ARHGAP35: variants seen among roughly 807,000 people sequenced by gnomAD.
The protein encoded by ARHGAP35 is rho GTPase-activating protein 35.
A neutral mutation model predicts 111.1 loss-of-function variants in ARHGAP35; 15 were observed. The ratio of observed to expected loss-of-function variants is 0.13; its 90% CI spans 0.09 to 0.21. ARHGAP35 has a LOEUF of 0.21. Ranked by LOEUF, ARHGAP35 falls within the 10% of genes least tolerant of loss-of-function variation. The pLI is 1.00. For missense variants in ARHGAP35, 1,262 were observed against 1,873.0 expected (o/e 0.67, Z 6.02); for synonymous variants, 643 against 710.3 (o/e 0.91, Z 1.51).
chr19:46,889,471 C>G (rs539311944), intron 1 of ARHGAP35, among the ~76,000 whole-genome samples: 23 of 151,014 alleles, frequency 1.5e-4, no homozygotes, highest in Non-Finnish European at 2.8e-4. Context: ...AAAACAAAAA[C>G]AAAGACAAAG....
At chr19:46,894,464 T>G (rs1465266407) in intron 1 of ARHGAP35, among the ~76,000 whole-genome samples, 7 of 115,010 alleles carry the variant, frequency 6.1e-5, no homozygotes, top group African/African-American at 1.0e-4. Context: ...TTTTTTTTTT[T>G]GGAGACGGAG....
At chr19:46,950,689 G>A (rs76875945) in intron 3 of ARHGAP35, among the ~76,000 whole-genome samples, 1,541 of 152,236 alleles carry the variant, frequency 0.01, 27 homozygotes, top group African/African-American at 0.035. Flanking sequence ...TGCCCCAGCT[G>A]GATCGTTGCC....
At chr19:46,948,138 A>G (rs2122241655) in intron 3 of ARHGAP35, 1 of 152,354 alleles carries the variant, frequency 6.6e-6, no homozygotes, top group African/African-American at 2.4e-5. Flanking sequence ...AGGTGGGGGA[A>G]GATTAGAGTC....
rs1405241007 is a variant in ARHGAP35, at chr19:46,921,910, C to G, written c.3235C>G (p.Gln1079Glu). 2 of 1,613,898 alleles carry G rather than the reference C, an allele frequency of 1.2e-6. No individual in the cohort carries two copies. The highest frequency in any genetic ancestry group is 1.3e-5 in the African/African-American group (1 of 74,924). ...KSVSSSPWLP[Q>E]DGFDPSDYAE... The stretch of plus-strand genomic sequence containing the variant: ...TGTGTCTTCTAGCCCCTGGCTGCCT[C>G]AGGATGGGTTTGATCCTTCTGACTA... Residue 1079 changes from glutamine (Q) to glutamate (E), a missense_variant, in exon 2 of 7, where the codon CAG becomes GAG. Around this residue, in one of 8 missense-constraint regions of ARHGAP35, gnomAD observed 579 missense variants for 716.9 expected, o/e 0.81. Transcript: ENST00000672722. This position sits in a 1 kb window ranked among gnomAD's most constrained non-coding sequence, Gnocchi z 4.3.
In ARHGAP35 at chr19:46,971,506, G is replaced by T. The variant is rs560332743; in HGVS notation, c.3827-16483G>T. 3.0e-4 allele frequency among the ~76,000 whole-genome samples: 44 copies of T among 145,330 alleles called. No homozygotes were observed. The East Asian group carries it at 6.6e-3, about 22-fold the overall frequency. The stretch of plus-strand genomic sequence containing the variant: ...TTTTGTTTTGTTTCTCTTTTTTGGG[G>T]TTTTTTTTTTTGAGACGGAGTCTTG... On this transcript the variant is annotated intron_variant, in intron 3 of 6. Transcript: ENST00000672722.
chr19:46,873,350 G>A (rs781624348), intron 1 of ARHGAP35, among the ~76,000 whole-genome samples: 5 of 151,776 alleles, frequency 3.3e-5, no homozygotes, highest in Admixed American at 6.6e-5. Flanking sequence ...GAAAGGAGCC[G>A]GCTGGGCATG....
intron 1 of ARHGAP35, among the ~76,000 whole-genome samples, chr19:46,875,974 G>A (rs534022346): frequency 9.2e-5 from 14 of 152,132 alleles, no homozygotes; most frequent in Admixed American, 7.9e-4. Context: ...GGAGGCCTCC[G>A]TTACTCTTTT....
At chr19:46,883,573 T>C (rs1049664411) in intron 1 of ARHGAP35, among the ~76,000 whole-genome samples, 5 of 152,226 alleles carry the variant, frequency 3.3e-5, no homozygotes, top group African/African-American at 4.8e-5. Flanking sequence ...ATGACCATAA[T>C]AGAATAATAA....
intron 1 of ARHGAP35, among the ~76,000 whole-genome samples, chr19:46,897,805 C>T (rs566042947): frequency 7.2e-5 from 11 of 151,990 alleles, no homozygotes; most frequent in Non-Finnish European, 1.0e-4. Flanking sequence ...GTCAGTTGAA[C>T]TTCTTCCACC....
chr19:46,883,766 G>A (rs534610827), intron 1 of ARHGAP35, among the ~76,000 whole-genome samples: 20 of 152,170 alleles, frequency 1.3e-4, no homozygotes, highest in African/African-American at 4.3e-4. Context: ...GCAATAAAAC[G>A]TATGCTGGTC....
chr19:46,895,566 A>T (rs568158715), intron 1 of ARHGAP35, among the ~76,000 whole-genome samples: 1 of 152,210 alleles, frequency 6.6e-6, no homozygotes, highest in Non-Finnish European at 1.5e-5. Context: ...AAGTAAAATG[A>T]TATCCTTAAT....
At position 46,907,215 on chromosome 19, in the gene ARHGAP35, C is replaced by T. The variant is rs1025798860; in HGVS notation, c.-188-11273C>T. ...AGGCTGGAGTGCAGTGGCACGATCTCGGCTCACTGCAAGCTCTGCCTCCCA... is the reference window on the plus strand; with the variant it reads ...AGGCTGGAGTGCAGTGGCACGATCTTGGCTCACTGCAAGCTCTGCCTCCCA... On this transcript the variant is annotated intron_variant, in intron 1 of 6. Coordinates refer to ENST00000672722, the MANE Select transcript of ARHGAP35 (RefSeq NM_004491.5). Among the ~76,000 whole-genome samples, 3 of 152,290 alleles carry T rather than the reference C, an allele frequency of 2.0e-5. No individual in the cohort carries two copies. In the South Asian group the frequency reaches 6.2e-4, roughly 32 times the overall value.
intron 3 of ARHGAP35, among the ~76,000 whole-genome samples, chr19:46,959,124 A>T (rs1001676125): frequency 5.3e-5 from 8 of 152,174 alleles, no homozygotes; most frequent in Admixed American, 3.3e-4. Flanking sequence ...CACTGCCCAG[A>T]CTAGAGTGCA....
Position 47,002,745 on chromosome 19 carries a change from G to A in ARHGAP35, c.*2057G>A, listed in dbSNP as rs1206059477. On this transcript the variant is annotated 3_prime_UTR_variant, in exon 7 of 7. Coordinates refer to ENST00000672722, the MANE Select transcript of ARHGAP35 (RefSeq NM_004491.5). ...TGGTGGTGCCCTGGGCCGTCCCTGT[G>A]TGAACGCAGGCAAAAGCAGCCCAGT... The A allele has an allele frequency of 6.6e-6, 1 of 152,242 alleles. No individual in the cohort carries two copies. The highest frequency in any genetic ancestry group is 1.9e-4 in the East Asian group (1 of 5,188). The allele number at this position is 152,242 out of a possible 1,614,324, so 9.4% of individuals were successfully genotyped here. A position where few individuals can be genotyped will look rare whatever the true frequency, so the allele number is the denominator to read the frequency against.
At chr19:46,972,526 C>T (rs1283699009) in intron 3 of ARHGAP35, among the ~76,000 whole-genome samples, 1 of 152,166 alleles carries the variant, frequency 6.6e-6, no homozygotes, top group Non-Finnish European at 1.5e-5. Flanking sequence ...CACAGCCTTT[C>T]GTGAGAGGTA....
intron 3 of ARHGAP35, among the ~76,000 whole-genome samples, chr19:46,960,650 T>C (rs1014342665): frequency 3.3e-5 from 5 of 152,222 alleles, no homozygotes; most frequent in African/African-American, 1.2e-4. Flanking sequence ...AGTAAAGTCA[T>C]TTTCTCATTC....
At chr19:46,982,370 G>A (rs1028560310) in intron 3 of ARHGAP35, among the ~76,000 whole-genome samples, 3 of 151,908 alleles carry the variant, frequency 2.0e-5, no homozygotes, top group African/African-American at 4.8e-5. Context: ...CCAGCTACTC[G>A]GGAGGCTGAG....
chr19:46,937,445 C>G, intron 3 of ARHGAP35, 37 bp downstream of exon 3: 1 of 1,609,452 alleles, frequency 6.2e-7, no homozygotes, highest in South Asian at 1.1e-5. Flanking sequence ...ATAACTTTCA[C>G]TGTCTACAGG....
chr19:46,973,712 G>T (rs770189959), intron 3 of ARHGAP35, among the ~76,000 whole-genome samples: 7 of 145,736 alleles, frequency 4.8e-5, no homozygotes, highest in Non-Finnish European at 9.0e-5. Context: ...TGAGGGCCAG[G>T]CACAATGGCT....
Sources: allele counts gnomAD v4.1 joint callset (sites outside exome capture counted in the v4.1 genomes callset), GRCh38; gene constraint gnomAD v4.1.1; regional missense constraint gnomAD v4.1.1; non-coding constraint Gnocchi (gnomAD v3.1); transcripts MANE v1.5; gene names NCBI Gene and HGNC (gene_info 2026-07-23, HGNC 2026-07-21).